The following AK4 variants were observed in gnomAD, a reference collection of about 807,000 sequenced individuals.
The protein encoded by AK4 is adenylate kinase 4, mitochondrial.
Under a neutral mutation model 24.6 loss-of-function variants are expected in AK4, and 13 were observed. The observed-to-expected ratio is 0.53, with a 90% CI of 0.34 to 0.84. The LOEUF (loss-of-function observed/expected upper bound fraction) is 0.84, where lower values mean the gene tolerates loss of function less well. Among genes scored for constraint, AK4 ranks in the 40% least tolerant of loss-of-function variants. AK4 has a pLI of 0.01. For missense variants in AK4, 192 were observed against 288.2 expected (o/e 0.67, Z 2.42); for synonymous variants, 88 against 107.0 (o/e 0.82, Z 1.10).
chr1:65,213,394 G>A (rs1295102878), intron 2 of AK4, among the ~76,000 whole-genome samples: 1 of 152,152 alleles, frequency 6.6e-6, no homozygotes, highest in Non-Finnish European at 1.5e-5. Flanking sequence ...CAGGTTCTGT[G>A]CTGTGCTGGG....
chr1:65,218,557 A>T (rs372287361), intron 2 of AK4, among the ~76,000 whole-genome samples, 197 bp from the exon 3 acceptor site: 2 of 152,314 alleles, frequency 1.3e-5, no homozygotes, highest in African/African-American at 4.8e-5. Flanking sequence ...GATTCAGAGG[A>T]TACATGTGCA....
intron 1 of AK4, among the ~76,000 whole-genome samples, chr1:65,149,830 G>C (rs1021298216): frequency 1.3e-5 from 2 of 152,114 alleles, no homozygotes; most frequent in African/African-American, 4.8e-5. Flanking sequence ...TTCTGTTGTG[G>C]GTATTGTTAC....
At position 65,228,937 on chromosome 1, in the gene AK4, A is replaced by C. The variant is rs1652552683; in HGVS notation, c.*2760A>C. 1 of 152,190 alleles carries C rather than the reference A, an allele frequency of 6.6e-6. No homozygotes were observed. The highest frequency in any genetic ancestry group is 1.5e-5 in the Non-Finnish European group (1 of 68,040). 9.4% of individuals were successfully genotyped at this position (152,190 alleles called of 1,614,324 possible). ...ACCCTCCAACACTAACGCAGACTTA[A>C]GATAGGTACTGTTTATTGAAAACCT... is the stretch of plus-strand genomic sequence containing the variant. On this transcript the variant is annotated 3_prime_UTR_variant, in exon 5 of 5. Transcript: ENST00000327299.
At chr1:65,153,926 G>C (rs1250865352) in intron 1 of AK4, among the ~76,000 whole-genome samples, 2 of 152,178 alleles carry the variant, frequency 1.3e-5, no homozygotes, top group Non-Finnish European at 2.9e-5. Flanking sequence ...CAAGTAGAAG[G>C]GATGTGGAAG....
rs757725549 is a variant in AK4 at position 65,218,812 on chromosome 1, A to G, written c.324A>G (p.Leu108=). 14 of 1,602,124 alleles carry G rather than the reference A, an allele frequency of 8.7e-6. No homozygotes were observed. The highest frequency in any genetic ancestry group is 9.4e-6 in the Non-Finnish European group (11 of 1,175,274). ...EALDKICEVD[L]VISLNIPFET... ...TGGACAAAATCTGTGAAGTGGATCT[A>G]GTGATCAGTTTGAATATTCCATTTG... Residue 108 remains leucine (L), a synonymous_variant, in exon 3 of 5, where the codon CTA becomes CTG. Coordinates refer to ENST00000327299, the MANE Select transcript of AK4 (RefSeq NM_013410.4).
At chr1:65,224,662 G>T in intron 3 of AK4, 90 bp from the exon 4 acceptor site, 1 of 946,022 alleles carries the variant, frequency 1.1e-6, no homozygotes, top group Non-Finnish European at 1.7e-6. Context: ...AGGAGTTAAA[G>T]ATGAATACAT....
At chr1:65,189,505 C>T (rs947674558) in intron 1 of AK4, among the ~76,000 whole-genome samples, 16 of 151,024 alleles carry the variant, frequency 1.1e-4, no homozygotes, top group Non-Finnish European at 1.6e-4. Context: ...CTCATACTCC[C>T]GATCTCAGGT....
intron 2 of AK4, among the ~76,000 whole-genome samples, chr1:65,206,790 GAAAC>G (rs1241965954): frequency 6.6e-6 from 1 of 152,186 alleles, no homozygotes; most frequent in Admixed American, 6.5e-5. Flanking sequence ...CAAAACAAAA[GAAAC>G]AAACCACGCA....
chr1:65,155,510 G>A (rs1274929814), intron 1 of AK4, among the ~76,000 whole-genome samples: 2 of 152,096 alleles, frequency 1.3e-5, no homozygotes, highest in Admixed American at 6.6e-5. Flanking sequence ...TTTTATTTAG[G>A]TATGGATATA....
intron 2 of AK4, among the ~76,000 whole-genome samples, chr1:65,198,753 GTT>G (rs34101207): frequency 8.8e-5 from 13 of 148,280 alleles, no homozygotes; most frequent in African/African-American, 2.7e-4. Context: ...ATGCCTGACA[GTT>G]TTTTTTTTTT....
At chr1:65,197,664 C>T (rs141284427) in intron 2 of AK4, among the ~76,000 whole-genome samples, 236 of 152,322 alleles carry the variant, frequency 1.5e-3, no homozygotes, top group Non-Finnish European at 2.6e-3. Flanking sequence ...ATGTTCCTGG[C>T]TACGCACTCA....
At chr1:65,183,650 CGTGT>C (rs56067788) in intron 1 of AK4, among the ~76,000 whole-genome samples, 28,939 of 140,474 alleles carry the variant, frequency 0.21, 2,997 homozygotes, top group East Asian at 0.48. Context: ...TATAAATATC[CGTGT>C]GTGTGTGTGT....
chr1:65,158,710 T>A (rs757022768), intron 1 of AK4, among the ~76,000 whole-genome samples: 4 of 152,140 alleles, frequency 2.6e-5, no homozygotes, highest in Non-Finnish European at 5.9e-5. Context: ...TTTCACCATG[T>A]TCGCCAGGCT....
At chr1:65,189,653 G>A (rs1427619618) in intron 1 of AK4, among the ~76,000 whole-genome samples, 5 of 132,214 alleles carry the variant, frequency 3.8e-5, no homozygotes, top group South Asian at 2.3e-4. Context: ...ACACATACGC[G>A]TGCACACACA....
intron 2 of AK4, among the ~76,000 whole-genome samples, chr1:65,208,400 C>T (rs1651873725): frequency 6.6e-6 from 1 of 152,132 alleles, no homozygotes. Context: ...CTAAGGCTTC[C>T]AGTTGGTGAT....
At chr1:65,163,865 G>C (rs548338915) in intron 1 of AK4, among the ~76,000 whole-genome samples, 14 of 152,242 alleles carry the variant, frequency 9.2e-5, no homozygotes, top group Middle Eastern at 3.4e-3. Flanking sequence ...GGAATCATAG[G>C]GGGTGGAAGT....
At chr1:65,148,588 C>T (rs988977404) in intron 1 of AK4, 36 bp downstream of exon 1, 1 of 1,564,034 alleles carries the variant, frequency 6.4e-7, no homozygotes, top group African/African-American at 1.3e-5. Context: ...GGGGGCGAGC[C>T]GCGTTGGGCT....
intron 1 of AK4, among the ~76,000 whole-genome samples, chr1:65,177,145 G>A (rs571588611): frequency 4.6e-5 from 7 of 152,242 alleles, no homozygotes; most frequent in East Asian, 3.9e-4. Flanking sequence ...AATAATTGCC[G>A]CTATCATGAG....
In AK4 at chr1:65,179,039, G is replaced by T. The variant is rs575000635; in HGVS notation, c.146-11671G>T. Among the ~76,000 whole-genome samples the T allele has an allele frequency of 5.3e-5, 8 of 152,272 alleles. No homozygotes were observed. In the East Asian group the frequency reaches 1.4e-3, roughly 26 times the overall value. On this transcript the variant is annotated intron_variant, in intron 1 of 4. Coordinates refer to ENST00000327299, the MANE Select transcript of AK4 (RefSeq NM_013410.4). ...CTTGGAGTTGTGTCTAGGATGGATT[G>T]GGGGAGGGAGAGGGTCTGGGAGAGA...
Sources: allele counts gnomAD v4.1 joint callset (sites outside exome capture counted in the v4.1 genomes callset), GRCh38; gene constraint gnomAD v4.1.1; transcripts MANE v1.5; gene names NCBI Gene and HGNC (gene_info 2026-07-23, HGNC 2026-07-21).